DPYSL3: variants seen among roughly 807,000 people sequenced by gnomAD.
DPYSL3 encodes dihydropyrimidinase like 3.
Under a neutral mutation model 66.1 loss-of-function variants are expected in DPYSL3, and 16 were observed. The observed-to-expected ratio is 0.24, with a 90% CI of 0.16 to 0.37. DPYSL3 has a LOEUF of 0.37. Ranked by LOEUF, DPYSL3 falls within the 10% of genes least tolerant of loss-of-function variation. The pLI is 1.00. For missense variants in DPYSL3, 738 were observed against 916.2 expected (o/e 0.81, Z 2.51); for synonymous variants, 338 against 345.1 (o/e 0.98, Z 0.23).
chr5:147,420,560 C>T (rs772900485), intron 2 of DPYSL3, among the ~76,000 whole-genome samples: 1 of 152,114 alleles, frequency 6.6e-6, no homozygotes, highest in Non-Finnish European at 1.5e-5. Context: ...AGCATGAGTC[C>T]AATATCTCAA....
chr5:147,407,997 T>C (rs891912139), intron 7 of DPYSL3, among the ~76,000 whole-genome samples: 7 of 152,172 alleles, frequency 4.6e-5, no homozygotes, highest in African/African-American at 1.7e-4. Flanking sequence ...AGAGACAGGA[T>C]ATGGGAATCA....
At chr5:147,437,810 A>G (rs980194611) in intron 1 of DPYSL3, among the ~76,000 whole-genome samples, 1 of 152,194 alleles carries the variant, frequency 6.6e-6, no homozygotes, top group Non-Finnish European at 1.5e-5. Context: ...CCTGACTGTA[A>G]AGCGAGGAAA....
At chr5:147,411,725 C>T (rs190527954) in intron 6 of DPYSL3, among the ~76,000 whole-genome samples, 2 of 152,202 alleles carry the variant, frequency 1.3e-5, no homozygotes, top group Non-Finnish European at 2.9e-5. Flanking sequence ...TACACCCCTG[C>T]TGACCACATT....
chr5:147,439,573 G>A (rs538177751), intron 1 of DPYSL3, among the ~76,000 whole-genome samples: 2 of 152,290 alleles, frequency 1.3e-5, no homozygotes, highest in African/African-American at 4.8e-5. Context: ...ATTTGAGCAG[G>A]GGAGTGACTT....
rs753211757 is a variant in DPYSL3, at chr5:147,393,558, C to G, written c.*477G>C. On this transcript the variant is annotated 3_prime_UTR_variant, in exon 14 of 14. Coordinates refer to ENST00000343218, the MANE Select transcript of DPYSL3 (RefSeq NM_001197294.2). Reference sequence around the variant, plus strand: ...ACGTCATCAACACAATATACAACACCCCTTCCACTCACCTGACCCACCCAC... The same window carrying G: ...ACGTCATCAACACAATATACAACACGCCTTCCACTCACCTGACCCACCCAC... 1 of 163,074 alleles carries G rather than the reference C, an allele frequency of 6.1e-6. No individual in the cohort carries two copies. The highest frequency in any genetic ancestry group is 1.4e-5 in the Non-Finnish European group (1 of 73,684). The allele number at this position is 163,074 out of a possible 1,614,324, so 10.1% of individuals were successfully genotyped here. A position where few individuals can be genotyped will look rare whatever the true frequency, so the allele number is the denominator to read the frequency against.
chr5:147,435,021 C>T (rs1752391180), intron 1 of DPYSL3, among the ~76,000 whole-genome samples: 1 of 152,052 alleles, frequency 6.6e-6, no homozygotes, highest in Non-Finnish European at 1.5e-5. Context: ...GAGAAAGAGT[C>T]TATGGGAGCT....
At chr5:147,442,997 A>G (rs924825671) in intron 1 of DPYSL3, among the ~76,000 whole-genome samples, 3 of 152,210 alleles carry the variant, frequency 2.0e-5, no homozygotes, top group Admixed American at 2.0e-4. Context: ...AAAAAGCCTT[A>G]GTTAATTTTA....
chr5:147,433,954 A>G (rs1055174466), intron 1 of DPYSL3, among the ~76,000 whole-genome samples: 1 of 150,270 alleles, frequency 6.7e-6, no homozygotes, highest in Non-Finnish European at 1.5e-5. Context: ...CGCTTGAACC[A>G]GGGAGTCAGA....
intron 7 of DPYSL3, 85 bp downstream of exon 7, chr5:147,408,643 C>T: frequency 1.4e-6 from 2 of 1,443,292 alleles, no homozygotes; most frequent in Non-Finnish European, 1.9e-6. Context: ...TGTTCCAATA[C>T]TGCAACCTGG....
At chr5:147,450,136 C>G (rs919568864) in intron 1 of DPYSL3, among the ~76,000 whole-genome samples, 1 of 152,086 alleles carries the variant, frequency 6.6e-6, no homozygotes, top group African/African-American at 2.4e-5. Flanking sequence ...AGTCTGGCCT[C>G]CAACACTTAC....
chr5:147,476,215 A>T (rs1022221615), intron 1 of DPYSL3, among the ~76,000 whole-genome samples: 2 of 152,202 alleles, frequency 1.3e-5, no homozygotes, highest in Non-Finnish European at 2.9e-5. Context: ...TAAAATGAAA[A>T]ATTAAGTCCC....
intron 1 of DPYSL3, among the ~76,000 whole-genome samples, chr5:147,439,945 G>C (rs1390655354): frequency 6.6e-6 from 1 of 152,172 alleles, no homozygotes; most frequent in African/African-American, 2.4e-5. Flanking sequence ...AAAACAGTGA[G>C]AAGGCAGCTT....
At chr5:147,482,850 CTT>C (rs1427490326) in intron 1 of DPYSL3, among the ~76,000 whole-genome samples, 2 of 152,162 alleles carry the variant, frequency 1.3e-5, no homozygotes, top group African/African-American at 2.4e-5. Context: ...CCAAAGGAAA[CTT>C]ATAATCGTGG....
At chr5:147,412,043 T>A (rs1276570370) in intron 6 of DPYSL3, among the ~76,000 whole-genome samples, 1 of 152,170 alleles carries the variant, frequency 6.6e-6, no homozygotes, top group Non-Finnish European at 1.5e-5. Flanking sequence ...GATGGAGAGA[T>A]AACTGCTTCC....
intron 10 of DPYSL3, 89 bp downstream of exon 10, chr5:147,400,603 T>C: frequency 6.5e-7 from 1 of 1,528,254 alleles, no homozygotes. Context: ...GCACTCGCAG[T>C]GTCACCAGCC....
intron 1 of DPYSL3, among the ~76,000 whole-genome samples, chr5:147,496,417 A>G (rs1190844565): frequency 6.6e-6 from 1 of 152,194 alleles, no homozygotes; most frequent in Admixed American, 6.5e-5. Flanking sequence ...ATTAAACTAA[A>G]GAGCTTCTGC....
intron 1 of DPYSL3, among the ~76,000 whole-genome samples, chr5:147,433,249 G>A (rs1752346776): frequency 6.6e-6 from 1 of 152,154 alleles, no homozygotes; most frequent in Admixed American, 6.5e-5. Context: ...CCCACATCAG[G>A]CAGTACAGTA....
intron 4 of DPYSL3, 46 bp downstream of exon 4, chr5:147,415,663 C>G: frequency 2.5e-6 from 4 of 1,593,504 alleles, no homozygotes; most frequent in Non-Finnish European, 3.4e-6. Flanking sequence ...GAAGGACTGG[C>G]AAGAAGAAGC....
At chr5:147,454,646 C>A (rs935213813) in intron 1 of DPYSL3, among the ~76,000 whole-genome samples, 3 of 152,186 alleles carry the variant, frequency 2.0e-5, no homozygotes, top group Non-Finnish European at 4.4e-5. Flanking sequence ...GGTGCGCAGC[C>A]ATGGATTTGG....
Sources: allele counts gnomAD v4.1 joint callset (sites outside exome capture counted in the v4.1 genomes callset), GRCh38; gene constraint gnomAD v4.1.1; transcripts MANE v1.5; gene names NCBI Gene and HGNC (gene_info 2026-07-23, HGNC 2026-07-21).